Variants in TENM2 observed in about 807,000 individuals in gnomAD.
The protein encoded by TENM2 is teneurin transmembrane protein 2.
Under a neutral mutation model 245.2 loss-of-function variants are expected in TENM2, and 52 were observed. That is an observed-to-expected ratio of 0.21 (90% CI 0.17 to 0.27). The LOEUF is 0.27. Ranked by LOEUF, TENM2 falls within the 10% of genes least tolerant of loss-of-function variation. TENM2 has a pLI of 1.00. For synonymous variants in TENM2, 1,363 were observed against 1,438.9 expected (o/e 0.95, Z 1.19); for missense variants, 3,046 against 3,666.8 (o/e 0.83, Z 4.37).
intron 8 of TENM2, among the ~76,000 whole-genome samples, chr5:168,095,361 T>C (rs1793277954): frequency 6.6e-6 from 1 of 152,118 alleles, no homozygotes. Context: ...AGTTCCTCTC[T>C]TTCCCACCCC....
chr5:167,750,896 G>A (rs181743331), intron 2 of TENM2, among the ~76,000 whole-genome samples: 2 of 152,230 alleles, frequency 1.3e-5, no homozygotes, highest in East Asian at 3.9e-4. Flanking sequence ...CAGTGTATCA[G>A]GAAATGTGCT....
chr5:167,471,533 T>TA (rs370570533), intron 2 of TENM2, among the ~76,000 whole-genome samples: 4 of 152,062 alleles, frequency 2.6e-5, no homozygotes, highest in Non-Finnish European at 4.4e-5. Flanking sequence ...CAATCTTCAA[T>TA]AAAAAAAATC....
At chr5:167,156,352 C>T in the TENM2 span, among the ~76,000 whole-genome samples, 2 of 152,200 alleles carry the variant, frequency 1.3e-5, no homozygotes, top group South Asian at 2.1e-4. Flanking sequence ...CTTACTTATA[C>T]TAAATTGCAC....
intron 2 of TENM2, among the ~76,000 whole-genome samples, chr5:167,741,805 T>G (rs1210403517): frequency 6.6e-6 from 1 of 152,182 alleles, no homozygotes; most frequent in Non-Finnish European, 1.5e-5. Context: ...CCAATGTATC[T>G]AAAAGGAGCT....
At chr5:167,525,823 T>C (rs1183325107) in intron 2 of TENM2, among the ~76,000 whole-genome samples, 1 of 152,158 alleles carries the variant, frequency 6.6e-6, no homozygotes, top group East Asian at 1.9e-4. Context: ...GAGAAGCAAG[T>C]AGTGAAACCT....
intron 2 of TENM2, among the ~76,000 whole-genome samples, chr5:167,671,955 G>A (rs1352932637): frequency 4.0e-5 from 6 of 151,818 alleles, no homozygotes; most frequent in African/African-American, 1.5e-4. Context: ...CACTGTGCTG[G>A]GATAAATGTT....
chr5:167,834,951 T>A (rs940884057), intron 2 of TENM2, among the ~76,000 whole-genome samples: 6 of 152,080 alleles, frequency 3.9e-5, no homozygotes, highest in African/African-American at 7.2e-5. Flanking sequence ...CGCCCGGCCT[T>A]TGTGTCTGTA....
intron 8 of TENM2, among the ~76,000 whole-genome samples, chr5:168,091,114 G>A (rs1296830885): frequency 6.6e-6 from 1 of 152,138 alleles, no homozygotes; most frequent in Non-Finnish European, 1.5e-5. Context: ...CCACCTCATA[G>A]GGCCATTGTG....
At chr5:167,853,289 CAAAAAAAAAAAAAA>C (rs777170514) in intron 2 of TENM2, among the ~76,000 whole-genome samples, 5 of 24,622 alleles carry the variant, frequency 2.0e-4, no homozygotes, top group Non-Finnish European at 3.7e-4. Flanking sequence ...GACTCCGTCT[CAAAAAAAAAAAAAA>C]AAAAAAAAAG....
intron 8 of TENM2, among the ~76,000 whole-genome samples, chr5:168,095,404 G>A (rs202046533): frequency 6.6e-6 from 1 of 152,068 alleles, no homozygotes; most frequent in East Asian, 1.9e-4. Flanking sequence ...CTCTGACCTG[G>A]AATACCCTTC....
intron 5 of TENM2, among the ~76,000 whole-genome samples, chr5:168,009,957 A>C (rs563945227): frequency 1.3e-5 from 2 of 152,164 alleles, no homozygotes; most frequent in African/African-American, 4.8e-5. Flanking sequence ...CCATGGTCAG[A>C]CCCTTGCTGT....
At chr5:167,345,177 G>T (rs1384017206) in intron 1 of TENM2, among the ~76,000 whole-genome samples, 1 of 152,196 alleles carries the variant, frequency 6.6e-6, no homozygotes, top group Non-Finnish European at 1.5e-5. Context: ...CTCAGGAGGT[G>T]AGCCCATGGA....
At chr5:167,029,142 T>A in the TENM2 span, among the ~76,000 whole-genome samples, 1 of 152,196 alleles carries the variant, frequency 6.6e-6, no homozygotes, top group Non-Finnish European at 1.5e-5. Context: ...TCATTTTAAT[T>A]GTATGGCTTA....
At chr5:167,787,918 A>G (rs1764693693) in intron 2 of TENM2, among the ~76,000 whole-genome samples, 1 of 152,226 alleles carries the variant, frequency 6.6e-6, no homozygotes, top group African/African-American at 2.4e-5. Flanking sequence ...TAGATCTTTA[A>G]TTTCAAATGA....
In TENM2 at chr5:167,470,591, G is replaced by A. The variant is rs574977648; in HGVS notation, c.502+95118G>A. On this transcript the variant is annotated intron_variant, in intron 2 of 28. Transcript: ENST00000518659. ...TTTCTGAACTGTAGGATTAAGGAAA[G>A]CATTATAATAATATTTTCTCACTAA... Among the ~76,000 whole-genome samples, 409 of 150,630 alleles carry A rather than the reference G, an allele frequency of 2.7e-3. 1 individual carries two copies. The highest frequency in any genetic ancestry group is 9.5e-3 in the African/African-American group (390 of 41,080).
At chr5:167,024,022 T>A in the TENM2 span, among the ~76,000 whole-genome samples, 2 of 152,224 alleles carry the variant, frequency 1.3e-5, no homozygotes, top group Non-Finnish European at 2.9e-5. Flanking sequence ...AGAGATTTTT[T>A]AAAAATTCAT....
chr5:168,082,108 T>G (rs766038599), intron 7 of TENM2, among the ~76,000 whole-genome samples: 13 of 152,212 alleles, frequency 8.5e-5, no homozygotes, highest in Non-Finnish European at 1.9e-4. Context: ...AGTCCCATAT[T>G]TCTTGGAGGC....
chr5:167,945,655 G>A (rs1225969862), intron 3 of TENM2, among the ~76,000 whole-genome samples: 9 of 152,242 alleles, frequency 5.9e-5, no homozygotes, highest in Non-Finnish European at 1.5e-5. Context: ...CCCGTGTTCC[G>A]CTATGCAGTG....
chr5:167,559,517 G>A (rs928623785), intron 2 of TENM2, among the ~76,000 whole-genome samples: 1 of 152,146 alleles, frequency 6.6e-6, no homozygotes, highest in African/African-American at 2.4e-5. Flanking sequence ...CTAAACAAAT[G>A]GTAATGCAGT....
Sources: gnomAD v4.1 joint callset for allele counts (sites outside exome capture counted in the v4.1 genomes callset) on GRCh38, gnomAD v4.1.1 for gene constraint, MANE v1.5 for transcripts, NCBI Gene and HGNC (gene_info 2026-07-23, HGNC 2026-07-21) for gene names.